The following DCDC1 variants were observed in gnomAD, a reference collection of about 807,000 sequenced individuals.
DCDC1 encodes the protein doublecortin domain-containing protein 1.
In DCDC1, 200 loss-of-function variants were observed where a neutral mutation model predicts 178.3. The ratio of observed to expected loss-of-function variants is 1.12; its 90% CI spans 1.00 to 1.26. DCDC1 has a LOEUF of 1.26. Among genes scored for constraint, DCDC1 ranks in the 50% most tolerant of loss-of-function variants. DCDC1 has a pLI of 0.00. For synonymous variants in DCDC1, 690 were observed against 604.8 expected, an observed-to-expected ratio of 1.14 and a Z score of -2.07; for missense variants, 1,983 against 1,749.2, an observed-to-expected ratio of 1.13 and a Z score of -2.38.
At chr11:31,152,257 G>A (rs571068617) in intron 9 of DCDC1, among the ~76,000 whole-genome samples, 1 of 152,222 alleles carries the variant, frequency 6.6e-6, no homozygotes, top group South Asian at 2.1e-4. Flanking sequence ...TAACTCTGTC[G>A]CTATTGGGGA....
Position 30,909,010 on chromosome 11 carries a change from G to T in DCDC1, c.3854C>A (p.Thr1285Lys), listed in dbSNP as rs1945265510. 3 of 1,611,526 alleles carry T rather than the reference G, an allele frequency of 1.9e-6. No individual in the cohort carries two copies. The highest frequency in any genetic ancestry group is 2.5e-6 in the Non-Finnish European group (3 of 1,178,382). The change falls in exon 29 of 39, where the codon ACA becomes AAA. Residue 1285 changes from threonine (T) to lysine (K), a missense_variant. Coordinates refer to ENST00000684477, the MANE Select transcript of DCDC1 (RefSeq NM_001387274.1). ...FHSTALDKEI[T>K]SANYAGVCTS... ...ACAGACACCAGCATAATTTGCTGAT[G>T]TAATTTCCTTATCCAAGGCAGTGCT...
chr11:30,930,311 C>T (rs1946847490), intron 22 of DCDC1, among the ~76,000 whole-genome samples: 1 of 152,108 alleles, frequency 6.6e-6, no homozygotes, highest in South Asian at 2.1e-4. Flanking sequence ...AACCCAAGAC[C>T]TTCCATTTAA....
chr11:31,336,530 T>A (rs1049145940), intron 1 of DCDC1, among the ~76,000 whole-genome samples: 1 of 152,212 alleles, frequency 6.6e-6, no homozygotes, highest in African/African-American at 2.4e-5. Flanking sequence ...ATGATTTTTT[T>A]AAAAAGACAA....
At chr11:31,077,951 T>G in intron 17 of DCDC1, 26 bp from the exon 18 acceptor site, 1 of 765,080 alleles carries the variant, frequency 1.3e-6, no homozygotes. Context: ...AATTTAGAGA[T>G]TGACATCTTC....
At chr11:30,989,362 A>C (rs1261613569) in intron 20 of DCDC1, among the ~76,000 whole-genome samples, 1 of 152,184 alleles carries the variant, frequency 6.6e-6, no homozygotes, top group East Asian at 1.9e-4. Flanking sequence ...CAAAATCAAG[A>C]TCATTTATAT....
chr11:31,022,433 C>A (rs1952934939), intron 20 of DCDC1, among the ~76,000 whole-genome samples: 1 of 152,094 alleles, frequency 6.6e-6, no homozygotes, highest in South Asian at 2.1e-4. Context: ...ATAACCTCAT[C>A]TTAAATTGAT....
chr11:31,351,237 T>C (rs1386292551), intron 1 of DCDC1, among the ~76,000 whole-genome samples: 1 of 152,136 alleles, frequency 6.6e-6, no homozygotes, highest in Non-Finnish European at 1.5e-5. Context: ...TTCAAAAATA[T>C]GCATTAGAAT....
At chr11:31,104,035 T>C (rs941526727) in intron 13 of DCDC1, among the ~76,000 whole-genome samples, 1 of 152,170 alleles carries the variant, frequency 6.6e-6, no homozygotes, top group African/African-American at 2.4e-5. Flanking sequence ...AAGCCAAGTA[T>C]TTAGTTGAGA....
intron 20 of DCDC1, among the ~76,000 whole-genome samples, chr11:30,999,469 G>A (rs958378511): frequency 1.6e-4 from 25 of 152,104 alleles, no homozygotes; most frequent in Admixed American, 3.9e-4. Flanking sequence ...ATTTCCTTAT[G>A]TATTCTACTT....
intron 15 of DCDC1, among the ~76,000 whole-genome samples, chr11:31,098,249 C>T (rs536146728): frequency 6.6e-6 from 1 of 152,204 alleles, no homozygotes; most frequent in Admixed American, 6.5e-5. Context: ...TAAATCTCAC[C>T]CATTTCATGG....
intron 1 of DCDC1, among the ~76,000 whole-genome samples, chr11:31,359,489 A>G (rs1951590044): frequency 6.6e-6 from 1 of 151,842 alleles, no homozygotes; most frequent in South Asian, 2.1e-4. Flanking sequence ...ATGCTAGATG[A>G]CGAGTTAGTG....
Position 31,010,016 on chromosome 11 carries a change from T to C in DCDC1, c.2591+54453A>G, listed in dbSNP as rs151228389. ...ATTCAATTACCTCCCACTGGGTCCC[T>C]TGCCCAACATGTGAGGATTATGGAA... On this transcript the variant is annotated intron_variant, in intron 20 of 38. Transcript: ENST00000684477. Among the ~76,000 whole-genome samples the C allele has an allele frequency of 9.5e-4, 144 of 152,324 alleles. 2 individuals carry two copies. The East Asian group carries it at 0.024, about 26-fold the overall frequency.
At chr11:31,023,163 G>A (rs1952999828) in intron 20 of DCDC1, among the ~76,000 whole-genome samples, 1 of 152,080 alleles carries the variant, frequency 6.6e-6, no homozygotes, top group Admixed American at 6.6e-5. Context: ...ATGTCCAGCT[G>A]TCCAGAAGCG....
chr11:30,986,974 C>T (rs976396066), intron 20 of DCDC1, among the ~76,000 whole-genome samples: 4 of 151,910 alleles, frequency 2.6e-5, no homozygotes, highest in East Asian at 1.9e-4. Flanking sequence ...AAAAAGAAAC[C>T]GAAAAAGTAG....
intron 29 of DCDC1, among the ~76,000 whole-genome samples, 195 bp from the exon 30 acceptor site, chr11:30,906,920 G>A (rs1346075562): frequency 6.6e-6 from 1 of 152,090 alleles, no homozygotes; most frequent in Non-Finnish European, 1.5e-5. Context: ...TCCAAATTCT[G>A]TAACGACAAT....
At chr11:30,876,361 G>A (rs1409564583) in intron 38 of DCDC1, among the ~76,000 whole-genome samples, 1 of 152,116 alleles carries the variant, frequency 6.6e-6, no homozygotes, top group Non-Finnish European at 1.5e-5. Context: ...CTGTTCCCCA[G>A]TCCACCTTGC....
intron 6 of DCDC1, among the ~76,000 whole-genome samples, chr11:31,302,129 C>A (rs1226569610): frequency 2.0e-5 from 3 of 152,112 alleles, no homozygotes; most frequent in African/African-American, 7.2e-5. Context: ...AATCAGAACT[C>A]CATACAACAG....
At chr11:31,339,211 A>AC (rs1196226897) in intron 1 of DCDC1, among the ~76,000 whole-genome samples, 1 of 152,020 alleles carries the variant, frequency 6.6e-6, no homozygotes, top group Non-Finnish European at 1.5e-5. Context: ...GCCACCCTCC[A>AC]CCCCCTGCCA....
chr11:31,211,785 TA>T (rs1162599327), intron 9 of DCDC1, among the ~76,000 whole-genome samples: 1 of 151,730 alleles, frequency 6.6e-6, no homozygotes, highest in East Asian at 1.9e-4. Flanking sequence ...TACTGAGCTT[TA>T]AAAAAAAGCT....
Sources: allele counts gnomAD v4.1 joint callset (sites outside exome capture counted in the v4.1 genomes callset), GRCh38; gene constraint gnomAD v4.1.1; transcripts MANE v1.5; gene names NCBI Gene and HGNC (gene_info 2026-07-23, HGNC 2026-07-21).